Variants in A2M observed in about 807,000 individuals in gnomAD.
A2M encodes C3 and PZP-like alpha-2-macroglobulin domain-containing protein 5.
In A2M, 128 loss-of-function variants were observed where a neutral mutation model predicts 183.9. The ratio of observed to expected loss-of-function variants is 0.70; its 90% confidence interval spans 0.60 to 0.81. The LOEUF (loss-of-function observed/expected upper bound fraction) is 0.81, where lower values mean the gene tolerates loss of function less well. A2M is among the 30% of genes least tolerant of loss of function. The probability of loss-of-function intolerance (pLI) is 0.00; values close to 1 mark genes in which losing one functional copy is unlikely to be tolerated. For synonymous variants in A2M, 592 were observed against 670.8 expected, an observed-to-expected ratio of 0.88 and a Z score of 1.81; for missense variants, 1,495 against 1,787.6, an observed-to-expected ratio of 0.84 and a Z score of 2.95.
At chr12:9,097,821 C>A (rs757444467) in intron 15 of A2M, among the ~76,000 whole-genome samples, 2 of 152,116 alleles carry the variant, frequency 1.3e-5, no homozygotes, top group Non-Finnish European at 2.9e-5. Context: ...TTAGTAGATA[C>A]GGGGTTTCAT....
intron 28 of A2M, 139 bp from the exon 29 acceptor site, chr12:9,074,922 C>T (rs1276849745): frequency 1.0e-6 from 1 of 960,234 alleles, no homozygotes; most frequent in Non-Finnish European, 1.5e-6. Flanking sequence ...CTTTTCCCTT[C>T]ATGTAAATCT....
intron 35 of A2M, 79 bp downstream of exon 35, chr12:9,068,104 A>C: frequency 1.4e-6 from 2 of 1,473,630 alleles, no homozygotes; most frequent in Non-Finnish European, 1.9e-6. Flanking sequence ...ATATTTACCC[A>C]GCGTTTTATG....
intron 28 of A2M, among the ~76,000 whole-genome samples, chr12:9,076,402 A>G (rs748778798): frequency 4.1e-4 from 63 of 152,232 alleles, no homozygotes; most frequent in Non-Finnish European, 4.9e-4. Flanking sequence ...CCAAGCTCAC[A>G]TAGGTAGCAC....
At chr12:9,093,616 T>C (rs759050796) in intron 17 of A2M, 37 bp from the exon 18 acceptor site, 2 of 1,189,418 alleles carry the variant, frequency 1.7e-6, no homozygotes, top group Admixed American at 2.5e-5. Context: ...ACAATAAACA[T>C]ACAGATAAAG....
At position 9,101,613 on chromosome 12, in the gene A2M, T is replaced by C. The variant is rs369016153; in HGVS notation, c.1328A>G (p.Glu443Gly). 1.2e-6 allele frequency: 2 copies of C among 1,613,882 alleles called. No individual in the cohort carries two copies. The highest frequency in any genetic ancestry group is 8.5e-7 in the Non-Finnish European group (1 of 1,179,890). ...CACAAGATAAGCAGTGTGATGTGCC[T>C]CTTCGTGTTCTTCTGACACCCACTG... ...GYQWVSEEHE[E>G]AHHTAYLVFS... The change falls in exon 12 of 36, where the codon GAG becomes GGG. Residue 443 changes from glutamate to glycine, a missense_variant. By Grantham distance (98) the Glu-to-Gly change is moderately conservative. Transcript: ENST00000318602.
In A2M at chr12:9,107,638, T is replaced by A; in HGVS notation, c.765A>T (p.Thr255=). ...EMNVSVCGLY[T]YGKPVPGHVT... ...CATGTCCAGGGACAGGCTTCCCATA[T>A]GTGTATCTGTCATGAGAACATTCCC... The change falls in exon 8 of 36, where the codon ACA becomes ACT. Residue 255 remains threonine, a synonymous_variant. Transcript: ENST00000318602. 1.2e-6 allele frequency: 2 copies of A among 1,613,886 alleles called. No homozygotes were observed. The highest frequency in any genetic ancestry group is 1.7e-6 in the Non-Finnish European group (2 of 1,179,840).
intron 35 of A2M, 28 bp from the exon 36 acceptor site, chr12:9,067,867 A>T (rs1224550626): frequency 9.9e-6 from 16 of 1,608,410 alleles, no homozygotes; most frequent in Non-Finnish European, 1.4e-5. Flanking sequence ...AAAAAAATTA[A>T]GACAGATTTG....
chr12:9,076,294 A>G (rs1488423496), intron 28 of A2M, among the ~76,000 whole-genome samples: 1 of 152,256 alleles, frequency 6.6e-6, no homozygotes, highest in Non-Finnish European at 1.5e-5. Flanking sequence ...TTTTACGTGT[A>G]CCAATTCATT....
At chr12:9,090,171 T>C in intron 20 of A2M, 148 bp from the exon 21 acceptor site, 1 of 1,367,546 alleles carries the variant, frequency 7.3e-7, no homozygotes, top group Non-Finnish European at 1.0e-6. Context: ...GAGAGGTGAA[T>C]GATACTGAGA....
intron 13 of A2M, among the ~76,000 whole-genome samples, chr12:9,100,531 G>A (rs766928195): frequency 5.9e-5 from 9 of 151,600 alleles, no homozygotes; most frequent in African/African-American, 1.2e-4. Flanking sequence ...CTCCCATCCC[G>A]TTCTCCCAAA....
rs59647548 is a variant in A2M at position 9,094,340 on chromosome 12, CATATATATATATATATATATAT to C, written c.2125+611_2125+632del. Among the ~76,000 whole-genome samples, 125 of 97,032 alleles carry C rather than the reference CATATATATATATATATATATAT, an allele frequency of 1.3e-3. 1 individual carries two copies. The highest frequency in any genetic ancestry group is 4.5e-3 in the East Asian group (12 of 2,670). 63.7% of individuals were successfully genotyped at this position (97,032 alleles called of 152,430 possible). A position where few individuals can be genotyped will look rare whatever the true frequency, so the allele number is the denominator to read the frequency against. On this transcript the variant is annotated intron_variant, in intron 17 of 35. Coordinates refer to ENST00000318602, the MANE Select transcript of A2M (RefSeq NM_000014.6). ...CAGCTCTCTGGAAAAAAAAATTGTG[CATATATATATATATATATATAT>C]ATATATATATATACCTATACATGCA...
chr12:9,111,023 A>G (rs1938688040), intron 4 of A2M, among the ~76,000 whole-genome samples: 2 of 152,178 alleles, frequency 1.3e-5, no homozygotes, highest in Non-Finnish European at 2.9e-5. Context: ...TTCAGATGTA[A>G]TCATTAAGAT....
chr12:9,093,415 TAGTC>T (rs1949269401), intron 18 of A2M, 46 bp downstream of exon 18: 1 of 1,275,446 alleles, frequency 7.8e-7, no homozygotes, highest in Non-Finnish European at 1.1e-6. Flanking sequence ...GAGTTGAAAA[TAGTC>T]AGGGACCTCT....
At position 9,101,512 on chromosome 12, in the gene A2M, G is replaced by A; in HGVS notation, c.1429C>T (p.Gln477Ter). The change falls in exon 12 of 36, where the codon CAG (glutamine) becomes TAG (stop). Residue 477 changes from glutamine (Q) to a stop codon, truncating the protein, a stop_gained. Coordinates refer to ENST00000318602, the MANE Select transcript of A2M (RefSeq NM_000014.6). LOFTEE classifies it high-confidence loss of function. ...ELPCGHTQTV[Q>*]AHYILNGGTL... ...CCTCCATTCAGAATATAATGTGCCT[G>A]GACTGTCTGAGTATGGCCACAGGGT... The A allele has an allele frequency of 6.2e-7, 1 of 1,613,906 alleles. No individual in the cohort carries two copies. Among genetic ancestry groups the A allele is most frequent in the Non-Finnish European group, 8.5e-7 (1 of 1,179,874 alleles).
chr12:9,106,129 A>T (rs919680599), intron 10 of A2M, 107 bp downstream of exon 10: 5 of 622,092 alleles, frequency 8.0e-6, no homozygotes, highest in Non-Finnish European at 1.4e-5. Context: ...ACTTTTGGTT[A>T]TATTAAATGA....
chr12:9,070,631 T>G (rs1477217537), intron 31 of A2M, 53 bp from the exon 32 acceptor site: 2 of 1,266,580 alleles, frequency 1.6e-6, no homozygotes, highest in Non-Finnish European at 2.3e-6. Context: ...TTAAATATTT[T>G]CTTCTTCTAT....
chr12:9,080,078 G>C lies in A2M; in HGVS notation c.2854+16C>G. On this transcript the variant is annotated intron_variant, in intron 23 of 35. Coordinates refer to ENST00000318602, the MANE Select transcript of A2M (RefSeq NM_000014.6). ...AAGCTGTTAATGCCCGGATCCACTA[G>C]GGGCTGGAGACTCACCCAAAACTGA... 1 of 1,546,534 alleles carries C rather than the reference G, an allele frequency of 6.5e-7. No individual in the cohort carries two copies.
intron 8 of A2M, 39 bp downstream of exon 8, chr12:9,107,484 CT>C: frequency 6.2e-7 from 1 of 1,608,090 alleles, no homozygotes; most frequent in Non-Finnish European, 8.5e-7. Context: ...TCAACAATGC[CT>C]TTATCGCTAT....
At chr12:9,086,996 G>A (rs140328628) in intron 22 of A2M, among the ~76,000 whole-genome samples, 2 of 152,174 alleles carry the variant, frequency 1.3e-5, no homozygotes, top group African/African-American at 2.4e-5. Context: ...CACTAACAAT[G>A]AATGATTGAG....
Sources: gnomAD v4.1 joint callset for allele counts (sites outside exome capture counted in the v4.1 genomes callset) on GRCh38, gnomAD v4.1.1 for gene constraint, MANE v1.5 for transcripts, NCBI Gene and HGNC (gene_info 2026-07-23, HGNC 2026-07-21) for gene names.